Variants in ST8SIA3 observed in about 807,000 individuals in gnomAD.
The protein encoded by ST8SIA3 is alpha-N-acetylneuraminate alpha-2,8-sialyltransferase ST8SIA3.
A neutral mutation model predicts 34.5 loss-of-function variants in ST8SIA3; 17 were observed. The ratio of observed to expected loss-of-function variants is 0.49; its 90% confidence interval spans 0.34 to 0.74. The LOEUF (loss-of-function observed/expected upper bound fraction) is 0.74. Ranked by LOEUF, ST8SIA3 falls within the 30% of genes least tolerant of loss-of-function variation. The probability of loss-of-function intolerance (pLI) is 0.01; values close to 1 mark genes in which losing one functional copy is unlikely to be tolerated. For synonymous variants in ST8SIA3, 172 were observed against 176.1 expected (o/e 0.98, Z 0.19); for missense variants, 354 against 467.8 (o/e 0.76, Z 2.24).
In ST8SIA3 at chr18:57,352,938, T is replaced by G; in HGVS notation, c.92T>G (p.Val31Gly). 1 of 1,613,554 alleles carries G rather than the reference T, an allele frequency of 6.2e-7. No homozygotes were observed. The highest frequency in any genetic ancestry group is 8.5e-7 in the Non-Finnish European group (1 of 1,179,924). The change falls in exon 1 of 4, where the codon GTG (valine) becomes GGG (glycine). Residue 31 changes from valine to glycine, a missense_variant. Val to Gly is a moderately radical substitution (Grantham distance 109). Transcript: ENST00000324000. ...ALLILSLISYVSLKKENIFTT... is the reference protein window; with the variant it reads ...ALLILSLISYGSLKKENIFTT... Reference sequence around the variant, plus strand: ...CTGATTTTATCGCTCATCAGCTACGTGTCCCTGAAAAAGGAGAACATCTTC... The same window carrying G: ...CTGATTTTATCGCTCATCAGCTACGGGTCCCTGAAAAAGGAGAACATCTTC...
chr18:57,354,673 T>G, intron 2 of ST8SIA3, 149 bp downstream of exon 2: 1 of 900,240 alleles, frequency 1.1e-6, no homozygotes, highest in Non-Finnish European at 1.6e-6. Flanking sequence ...CATTGTTTTC[T>G]TGGCATGACT....
At position 57,353,703 on chromosome 18, in the gene ST8SIA3, G is replaced by C. The variant is rs532442408; in HGVS notation, c.179+678G>C. On this transcript the variant is annotated intron_variant, in intron 1 of 3. Transcript: ENST00000324000. ...ACCGCTCCGCGCTGGGCCGGCCTGTGAAGGCTCCAGGCGCAGCTTGACGCC... is the reference window on the plus strand; with the variant it reads ...ACCGCTCCGCGCTGGGCCGGCCTGTCAAGGCTCCAGGCGCAGCTTGACGCC... Among the ~76,000 whole-genome samples, 226 of 152,266 alleles carry C rather than the reference G, an allele frequency of 1.5e-3. 1 individual carries two copies. The highest frequency in any genetic ancestry group is 5.2e-3 in the African/African-American group (217 of 41,568).
Position 57,364,438 on chromosome 18 carries a change from TAAC to T in ST8SIA3, c.*4162_*4164del, listed in dbSNP as rs926907257. ...TGCTAAGAAGATATACAAATAATAA[TAAC>T]TTCGTGAGTCTTCATGTGCAAAATG... On this transcript the variant is annotated 3_prime_UTR_variant, in exon 4 of 4. Coordinates refer to ENST00000324000, the MANE Select transcript of ST8SIA3 (RefSeq NM_015879.3). The T allele has an allele frequency of 2.0e-5, 3 of 152,266 alleles. No homozygotes were observed. Among genetic ancestry groups the T allele is most frequent in the Non-Finnish European group, 4.4e-5 (3 of 68,046 alleles). The allele number at this position is 152,266 out of a possible 1,614,324, so 9.4% of individuals were successfully genotyped here.
chr18:57,360,932 A>G lies in ST8SIA3; in HGVS notation c.*655A>G, dbSNP rs1259988443. On this transcript the variant is annotated 3_prime_UTR_variant, in exon 4 of 4. Transcript: ENST00000324000. The stretch of plus-strand genomic sequence containing the variant: ...TTCATGACAAAATAGGCAAATCACG[A>G]TGGACTCCCTTGTGATTCCTTTTTT... 1 of 152,418 alleles carries G rather than the reference A, an allele frequency of 6.6e-6. No homozygotes were observed. Among genetic ancestry groups the G allele is most frequent in the African/African-American group, 2.4e-5 (1 of 41,442 alleles). The allele number at this position is 152,418 out of a possible 1,614,324, so 9.4% of individuals were successfully genotyped here. A position where few individuals can be genotyped will look rare whatever the true frequency, so the allele number is the denominator to read the frequency against.
chr18:57,355,681 G>A (rs1004631646), intron 2 of ST8SIA3, among the ~76,000 whole-genome samples: 2 of 152,000 alleles, frequency 1.3e-5, no homozygotes, highest in Non-Finnish European at 2.9e-5. Flanking sequence ...ACACATTCTA[G>A]CTTTCCCCAA....
rs1464675530 is a variant in ST8SIA3 at position 57,368,296 on chromosome 18, A to T, written c.*8019A>T. 2 of 152,202 alleles carry T rather than the reference A, an allele frequency of 1.3e-5. No individual in the cohort carries two copies. Among genetic ancestry groups the T allele is most frequent in the African/African-American group, 4.8e-5 (2 of 41,452 alleles). 9.4% of individuals were successfully genotyped at this position (152,202 alleles called of 1,614,324 possible). A position where few individuals can be genotyped will look rare whatever the true frequency, so the allele number is the denominator to read the frequency against. On this transcript the variant is annotated 3_prime_UTR_variant, in exon 4 of 4. Transcript: ENST00000324000. ...CCATTGCATTTCAGCATTTTAAAGAATAGTGTATCAGTATAGAAGGAGGAG... is the reference window on the plus strand; with the variant it reads ...CCATTGCATTTCAGCATTTTAAAGATTAGTGTATCAGTATAGAAGGAGGAG...
chr18:57,357,026 C>G lies in ST8SIA3; in HGVS notation c.416C>G (p.Ser139Cys), dbSNP rs756295547. ...YDYSSHKYVF[S>C]ISNNFRSLLP... The stretch of plus-strand genomic sequence containing the variant: ...TATTCCAGCCATAAATATGTTTTCT[C>G]TATTAGCAATAACTTCCGGTCACTT... Residue 139 changes from serine to cysteine, a missense_variant, in exon 3 of 4, where the codon TCT becomes TGT. By Grantham distance (112) the Ser-to-Cys change is moderately radical. Around this residue, in one of 3 missense-constraint regions of ST8SIA3, gnomAD observed 184 missense variants for 205.4 expected, o/e 0.90. Transcript: ENST00000324000. The G allele has an allele frequency of 6.2e-7, 1 of 1,614,058 alleles. No individual in the cohort carries two copies. Among genetic ancestry groups the G allele is most frequent in the East Asian group, 2.2e-5 (1 of 44,878 alleles).
At position 57,364,535 on chromosome 18, in the gene ST8SIA3, A is replaced by G. The variant is rs2049849677; in HGVS notation, c.*4258A>G. ...TTTTTTCCCATAATTGTTTGAATGCACTAGGCACAAGTTTCTGTTTAAGCC... is the reference window on the plus strand; with the variant it reads ...TTTTTTCCCATAATTGTTTGAATGCGCTAGGCACAAGTTTCTGTTTAAGCC... On this transcript the variant is annotated 3_prime_UTR_variant, in exon 4 of 4. Transcript: ENST00000324000. 6.6e-6 allele frequency: 1 copy of G among 152,248 alleles called. No individual in the cohort carries two copies. The highest frequency in any genetic ancestry group is 2.1e-4 in the South Asian group (1 of 4,836). 9.4% of individuals were successfully genotyped at this position (152,248 alleles called of 1,614,324 possible). A position where few individuals can be genotyped will look rare whatever the true frequency, so the allele number is the denominator to read the frequency against.
At position 57,357,213 on chromosome 18, in the gene ST8SIA3, T is replaced by C; in HGVS notation, c.603T>C (p.Val201=). 1 of 1,614,160 alleles carries C rather than the reference T, an allele frequency of 6.2e-7. No individual in the cohort carries two copies. Among genetic ancestry groups the C allele is most frequent in the Non-Finnish European group, 8.5e-7 (1 of 1,180,006 alleles). The change falls in exon 3 of 4, where the codon GTT becomes GTC. Residue 201 remains valine (V), a synonymous_variant. Coordinates refer to ENST00000324000, the MANE Select transcript of ST8SIA3 (RefSeq NM_015879.3). ...CTACGGAGGCTTTCCAAAGAGATGT[T>C]GGAAGAAAAACCAATCTTACCACCT... is the stretch of plus-strand genomic sequence containing the variant. ...FAPTEAFQRD[V]GRKTNLTTFN...
At chr18:57,353,086 G>A in intron 1 of ST8SIA3, 61 bp downstream of exon 1, 1 of 1,560,338 alleles carries the variant, frequency 6.4e-7, no homozygotes, top group African/African-American at 1.3e-5. Flanking sequence ...GTTTGGGGAA[G>A]GGAAGGCGTG....
chr18:57,352,969 TC>T lies in ST8SIA3; in HGVS notation c.126del (p.Lys43SerfsTer23). The T allele has an allele frequency of 6.2e-7, 1 of 1,612,630 alleles. No homozygotes were observed. Among genetic ancestry groups the T allele is most frequent in the Non-Finnish European group, 8.5e-7 (1 of 1,179,874 alleles). ...TGAAAAAGGAGAACATCTTCACCAC[TC>T]CCAAGTACGCCAGCCCGGGGGCGCC... ...SLKKENIFTTPKYASPGAPRM... is the reference protein window; with the variant it reads ...SLKKENIFTTXKYASPGAPRM... On this transcript the variant is annotated frameshift_variant, in exon 1 of 4. Transcript: ENST00000324000. LOFTEE classifies it high-confidence loss of function.
At position 57,353,096 on chromosome 18, in the gene ST8SIA3, G is replaced by A. The variant is rs1277805531; in HGVS notation, c.179+71G>A. The A allele has an allele frequency of 8.5e-6, 13 of 1,535,268 alleles. No homozygotes were observed. The Admixed American group carries it at 1.4e-4, about 16-fold the overall frequency. ...GGGGTGTTTGGGGAAGGGAAGGCGT[G>A]GGGGAGGGGTGTTTTGGCCTCTCCG... On this transcript the variant is annotated intron_variant, in intron 1 of 3. Coordinates refer to ENST00000324000, the MANE Select transcript of ST8SIA3 (RefSeq NM_015879.3).
rs2049823852 is a variant in ST8SIA3 at position 57,360,370 on chromosome 18, T to A, written c.*93T>A. 1.6e-6 allele frequency: 2 copies of A among 1,240,056 alleles called. No homozygotes were observed. The highest frequency in any genetic ancestry group is 2.2e-6 in the Non-Finnish European group (2 of 904,368). 76.8% of individuals were successfully genotyped at this position (1,240,056 alleles called of 1,614,324 possible). A position where few individuals can be genotyped will look rare whatever the true frequency, so the allele number is the denominator to read the frequency against. ...GAATAGAACCCTAGAGAATGTCTTA[T>A]AAGGATTGTCTGCCATTTAAAAGGA... On this transcript the variant is annotated 3_prime_UTR_variant, in exon 4 of 4. Transcript: ENST00000324000.
chr18:57,354,691 G>T (rs1472171231), intron 2 of ST8SIA3, among the ~76,000 whole-genome samples, 167 bp downstream of exon 2: 4 of 151,686 alleles, frequency 2.6e-5, no homozygotes, highest in African/African-American at 4.9e-5. Context: ...ACTGCACAAA[G>T]CAATGATCAG....
At position 57,366,494 on chromosome 18, in the gene ST8SIA3, C is replaced by T. The variant is rs998282302; in HGVS notation, c.*6217C>T. 1 of 152,180 alleles carries T rather than the reference C, an allele frequency of 6.6e-6. No homozygotes were observed. Among genetic ancestry groups the T allele is most frequent in the African/African-American group, 2.4e-5 (1 of 41,404 alleles). 9.4% of individuals were successfully genotyped at this position (152,180 alleles called of 1,614,324 possible). On this transcript the variant is annotated 3_prime_UTR_variant, in exon 4 of 4. Transcript: ENST00000324000. Reference sequence around the variant, plus strand: ...ACCTATAGTTCATCACTTGTTTCCCCAACTTTGTCATTTTCCCTATCCACT... The same window carrying T: ...ACCTATAGTTCATCACTTGTTTCCCTAACTTTGTCATTTTCCCTATCCACT...
In ST8SIA3 at chr18:57,360,720, C is replaced by A; in HGVS notation, c.*443C>A. The A allele has an allele frequency of 6.2e-6, 1 of 160,502 alleles. No individual in the cohort carries two copies. The highest frequency in any genetic ancestry group is 1.4e-5 in the Non-Finnish European group (1 of 72,922). The allele number at this position is 160,502 out of a possible 1,614,324, so 9.9% of individuals were successfully genotyped here. On this transcript the variant is annotated 3_prime_UTR_variant, in exon 4 of 4. Coordinates refer to ENST00000324000, the MANE Select transcript of ST8SIA3 (RefSeq NM_015879.3). The stretch of plus-strand genomic sequence containing the variant: ...AATGGAAACGTAAAAAACTGGTTTG[C>A]ATATCTCATCTTCTATCTATCTCCC...
chr18:57,361,496 T>G lies in ST8SIA3; in HGVS notation c.*1219T>G, dbSNP rs1291758567. On this transcript the variant is annotated 3_prime_UTR_variant, in exon 4 of 4. Transcript: ENST00000324000. ...ATTGTAGCACTGGATATTCCCTCTT[T>G]CCACTGAAGTCAGATCTATACAACT... 6.6e-6 allele frequency: 1 copy of G among 152,610 alleles called. No individual in the cohort carries two copies. The highest frequency in any genetic ancestry group is 1.5e-5 in the Non-Finnish European group (1 of 68,050). The allele number at this position is 152,610 out of a possible 1,614,324, so 9.5% of individuals were successfully genotyped here.
chr18:57,353,068 G>T, intron 1 of ST8SIA3, 43 bp downstream of exon 1: 1 of 1,590,302 alleles, frequency 6.3e-7, no homozygotes, highest in South Asian at 1.1e-5. Flanking sequence ...GAATTTGGTT[G>T]ATGGGGTGTT....
intron 3 of ST8SIA3, among the ~76,000 whole-genome samples, chr18:57,358,061 G>A (rs530831479): frequency 1.9e-4 from 29 of 152,274 alleles, no homozygotes; most frequent in African/African-American, 6.3e-4. Context: ...CTAGTCTGGT[G>A]ATTTTCAACT....
Sources: gnomAD v4.1 joint callset for allele counts (sites outside exome capture counted in the v4.1 genomes callset) on GRCh38, gnomAD v4.1.1 for gene constraint, gnomAD v4.1.1 regional missense constraint, MANE v1.5 for transcripts, NCBI Gene and HGNC (gene_info 2026-07-23, HGNC 2026-07-21) for gene names.